Variants in SLC9A9 observed in about 807,000 individuals in gnomAD.
SLC9A9 encodes sodium/hydrogen exchanger 9.
In SLC9A9, 62 loss-of-function variants were observed where a neutral mutation model predicts 77.8. The ratio of observed to expected loss-of-function variants is 0.80; its 90% CI spans 0.65 to 0.98. SLC9A9 has a LOEUF of 0.98. SLC9A9 is among the 50% of genes least tolerant of loss of function. SLC9A9 has a pLI of 0.00. For synonymous variants in SLC9A9, 320 were observed against 283.5 expected, an observed-to-expected ratio of 1.13 and a Z score of -1.29; for missense variants, 775 against 774.9, an observed-to-expected ratio of 1.00 and a Z score of 0.00.
At chr3:143,719,132 T>C (rs1934430089) in intron 4 of SLC9A9, among the ~76,000 whole-genome samples, 1 of 152,208 alleles carries the variant, frequency 6.6e-6, no homozygotes, top group South Asian at 2.1e-4. Flanking sequence ...AGAAGCTTTA[T>C]CTGTGGGCAT....
intron 6 of SLC9A9, among the ~76,000 whole-genome samples, chr3:143,608,480 G>A (rs1344380501): frequency 6.6e-6 from 1 of 152,190 alleles, no homozygotes; most frequent in African/African-American, 2.4e-5. Flanking sequence ...TCACACACCA[G>A]GATAGTGAAG....
intron 14 of SLC9A9, among the ~76,000 whole-genome samples, chr3:143,307,009 T>C (rs6796961): frequency 0.18 from 27,146 of 152,184 alleles, 2,704 homozygotes; most frequent in Admixed American, 0.26. Context: ...CCCCACTCTC[T>C]GTCCGAGACA....
intron 4 of SLC9A9, among the ~76,000 whole-genome samples, chr3:143,743,523 G>T (rs1935134714): frequency 6.6e-6 from 1 of 152,128 alleles, no homozygotes; most frequent in African/African-American, 2.4e-5. Flanking sequence ...CCAAAGGTGG[G>T]GGAAGAGTGT....
intron 6 of SLC9A9, among the ~76,000 whole-genome samples, chr3:143,606,436 C>CTATATATATATATATATATATA (rs60773685): frequency 1.7e-4 from 9 of 54,210 alleles, no homozygotes; most frequent in South Asian, 9.6e-4. Context: ...CTCTCTCTCT[C>CTATATATATATATATATATATA]TATATATATA....
At chr3:143,748,692 C>CT (rs35698779) in intron 4 of SLC9A9, among the ~76,000 whole-genome samples, 4,864 of 106,042 alleles carry the variant, frequency 0.046, 393 homozygotes, top group African/African-American at 0.12. Flanking sequence ...TTTGACCAAG[C>CT]TTTTTTTTTT....
chr3:143,715,435 T>G (rs1348532311), intron 4 of SLC9A9, among the ~76,000 whole-genome samples: 3 of 152,102 alleles, frequency 2.0e-5, no homozygotes, highest in Non-Finnish European at 4.4e-5. Flanking sequence ...CAAGCATCAC[T>G]CTCTTAAGGA....
At chr3:143,801,692 C>T (rs1299694028) in intron 2 of SLC9A9, among the ~76,000 whole-genome samples, 1 of 152,214 alleles carries the variant, frequency 6.6e-6, no homozygotes, top group Non-Finnish European at 1.5e-5. Context: ...CCAGCAAAGG[C>T]AGGCTATGCT....
At chr3:143,719,130 T>C (rs951947514) in intron 4 of SLC9A9, among the ~76,000 whole-genome samples, 5 of 152,222 alleles carry the variant, frequency 3.3e-5, no homozygotes, top group Admixed American at 6.5e-5. Context: ...TGAGAAGCTT[T>C]ATCTGTGGGC....
At chr3:143,838,491 T>C (rs1479318611) in intron 1 of SLC9A9, among the ~76,000 whole-genome samples, 1 of 152,144 alleles carries the variant, frequency 6.6e-6, no homozygotes, top group Non-Finnish European at 1.5e-5. Context: ...GCAGATTTGC[T>C]CTGTTTTAGA....
At chr3:143,711,884 C>T (rs964431769) in intron 4 of SLC9A9, among the ~76,000 whole-genome samples, 1 of 152,162 alleles carries the variant, frequency 6.6e-6, no homozygotes, top group African/African-American at 2.4e-5. Context: ...TACTAACTGA[C>T]CAAACTCCAG....
At chr3:143,800,727 C>T (rs2008528381) in intron 2 of SLC9A9, among the ~76,000 whole-genome samples, 1 of 152,182 alleles carries the variant, frequency 6.6e-6, no homozygotes, top group Non-Finnish European at 1.5e-5. Flanking sequence ...CTCCACTTCT[C>T]ACCTTATTCA....
intron 2 of SLC9A9, among the ~76,000 whole-genome samples, chr3:143,814,520 G>A (rs796187461): frequency 5.1e-4 from 77 of 152,260 alleles, no homozygotes; most frequent in African/African-American, 1.9e-3. Context: ...ATGAGAAGGA[G>A]CTGCCACTCC....
intron 6 of SLC9A9, among the ~76,000 whole-genome samples, chr3:143,613,018 T>C (rs1201156609): frequency 5.3e-5 from 8 of 152,244 alleles, no homozygotes. Context: ...GTGCTGATTG[T>C]AATAGCCTCC....
intron 9 of SLC9A9, chr3:143,517,745 T>A (rs902990883): frequency 1.3e-5 from 20 of 1,597,948 alleles, no homozygotes; most frequent in Non-Finnish European, 1.7e-5. Context: ...ACTTGGCTTC[T>A]GTAATTTGAC....
intron 11 of SLC9A9, among the ~76,000 whole-genome samples, chr3:143,480,223 C>T (rs1208958882): frequency 7.2e-5 from 11 of 152,176 alleles, no homozygotes; most frequent in Admixed American, 2.0e-4. Flanking sequence ...GTTAAAAATG[C>T]AAGAGCAGGT....
chr3:143,671,701 T>C (rs1412374510), intron 5 of SLC9A9, among the ~76,000 whole-genome samples: 3 of 152,230 alleles, frequency 2.0e-5, no homozygotes, highest in Admixed American at 1.3e-4. Context: ...AACACTGAAT[T>C]GTAAAGACAC....
At chr3:143,365,691 G>C (rs991391200) in intron 13 of SLC9A9, among the ~76,000 whole-genome samples, 1 of 152,184 alleles carries the variant, frequency 6.6e-6, no homozygotes, top group Non-Finnish European at 1.5e-5. Flanking sequence ...AGGGTGTCTG[G>C]TTCAATTTCT....
intron 6 of SLC9A9, among the ~76,000 whole-genome samples, chr3:143,592,931 T>A (rs1039770703): frequency 4.6e-5 from 7 of 152,230 alleles, no homozygotes; most frequent in African/African-American, 1.7e-4. Flanking sequence ...GAAACAGGCC[T>A]ATGCTCCCTG....
intron 2 of SLC9A9, among the ~76,000 whole-genome samples, chr3:143,802,203 C>T (rs1401018750): frequency 6.6e-6 from 1 of 152,192 alleles, no homozygotes; most frequent in Non-Finnish European, 1.5e-5. Context: ...AAAGTATCTC[C>T]TTCCAGCCTC....
Sources: gnomAD v4.1 joint callset for allele counts (sites outside exome capture counted in the v4.1 genomes callset) on GRCh38, gnomAD v4.1.1 for gene constraint, MANE v1.5 for transcripts, NCBI Gene and HGNC (gene_info 2026-07-23, HGNC 2026-07-21) for gene names.